ZBTB7C: variants seen among roughly 807,000 people sequenced by gnomAD.
ZBTB7C encodes zinc finger and BTB domain-containing protein 7C.
In ZBTB7C, 8 loss-of-function variants were observed where a neutral mutation model predicts 25.7. That is an observed-to-expected ratio of 0.31 (90% confidence interval 0.18 to 0.56). The LOEUF (loss-of-function observed/expected upper bound fraction) is 0.56. Ranked by LOEUF, ZBTB7C falls within the 20% of genes least tolerant of loss-of-function variation. The pLI, the probability that ZBTB7C is intolerant of heterozygous loss-of-function variation, is 0.91. For missense variants in ZBTB7C, 824 were observed against 855.2 expected, an observed-to-expected ratio of 0.96 and a Z score of 0.46; for synonymous variants, 394 against 369.0, an observed-to-expected ratio of 1.07 and a Z score of -0.78.
At chr18:48,132,328 C>T (rs2040011280) in intron 3 of ZBTB7C, among the ~76,000 whole-genome samples, 2 of 152,188 alleles carry the variant, frequency 1.3e-5, no homozygotes, top group African/African-American at 4.8e-5. Flanking sequence ...CAAAAGACCA[C>T]ATATTATCTG....
At chr18:48,091,582 C>G (rs561143611) in intron 3 of ZBTB7C, among the ~76,000 whole-genome samples, 1 of 152,142 alleles carries the variant, frequency 6.6e-6, no homozygotes, top group East Asian at 1.9e-4. Context: ...CAGGGTGGGT[C>G]TCATTTATTA....
chr18:48,177,855 G>C (rs901459574), intron 3 of ZBTB7C, among the ~76,000 whole-genome samples: 5 of 152,176 alleles, frequency 3.3e-5, no homozygotes, highest in Admixed American at 2.6e-4. Context: ...GGTGGAGAAT[G>C]GAGGAAGGGA....
chr18:48,169,490 T>C (rs975690674), intron 3 of ZBTB7C, among the ~76,000 whole-genome samples: 2 of 152,152 alleles, frequency 1.3e-5, no homozygotes, highest in Non-Finnish European at 2.9e-5. Context: ...GTGTTGCACA[T>C]GGAAGGTACA....
chr18:48,188,447 G>A lies in ZBTB7C; in HGVS notation c.-78-2452C>T, dbSNP rs4940313. On this transcript the variant is annotated intron_variant, in intron 2 of 4. Coordinates refer to ENST00000590800, the MANE Select transcript of ZBTB7C (RefSeq NM_001318841.2). ...AGAACTCACTTGCTACCATGAGAAC[G>A]GTATGGGGGAATCCAGCCCCATGAT... Among the ~76,000 whole-genome samples the A allele has an allele frequency of 3.9e-3, 587 of 152,264 alleles. 4 individuals carry two copies. The highest frequency in any genetic ancestry group is 0.013 in the African/African-American group (556 of 41,550).
chr18:48,264,882 G>A lies in ZBTB7C; in HGVS notation c.-79+73292C>T, dbSNP rs533490246. 7.2e-5 allele frequency among the ~76,000 whole-genome samples: 11 copies of A among 152,262 alleles called. No homozygotes were observed. The East Asian group carries it at 1.9e-3, about 27-fold the overall frequency. ...TCAATCAACCCCCACGACCACAAGC[G>A]AAGTGGAAGGACAGGGGTCCCAAGT... On this transcript the variant is annotated intron_variant, in intron 2 of 4. Coordinates refer to ENST00000590800, the MANE Select transcript of ZBTB7C (RefSeq NM_001318841.2).
chr18:48,302,399 C>T lies in ZBTB7C; in HGVS notation c.-79+35775G>A, dbSNP rs111833285. Among the ~76,000 whole-genome samples the T allele has an allele frequency of 1.5e-3, 226 of 152,276 alleles. 5 individuals carry two copies. Among genetic ancestry groups the T allele is most frequent in the South Asian group, 5.0e-3 (24 of 4,828 alleles). ...CCTTCTCTCCCTTTTTACTGCAATT[C>T]CTGCACAGATTTACACAGAAGAGCT... is the stretch of plus-strand genomic sequence containing the variant. On this transcript the variant is annotated intron_variant, in intron 2 of 4. Coordinates refer to ENST00000590800, the MANE Select transcript of ZBTB7C (RefSeq NM_001318841.2).
At chr18:48,208,479 T>C (rs981369953) in intron 2 of ZBTB7C, among the ~76,000 whole-genome samples, 2 of 152,172 alleles carry the variant, frequency 1.3e-5, no homozygotes, top group African/African-American at 4.8e-5. Context: ...CTCTCTAACT[T>C]CTACTTATGC....
Position 48,387,551 on chromosome 18 carries a change from G to T in ZBTB7C, c.-304+21675C>A, listed in dbSNP as rs566533007. On this transcript the variant is annotated intron_variant, in intron 1 of 4. Transcript: ENST00000590800. Reference sequence around the variant, plus strand: ...GAATCTCTTCCCTGAACTTCACTAAGTTGCAAAACAGATGAATTTGACCTT... The same window carrying T: ...GAATCTCTTCCCTGAACTTCACTAATTTGCAAAACAGATGAATTTGACCTT... 1.1e-3 allele frequency among the ~76,000 whole-genome samples: 167 copies of T among 152,264 alleles called. 1 individual carries two copies. Among genetic ancestry groups the T allele is most frequent in the Middle Eastern group, 3.4e-3 (1 of 294 alleles).
chr18:48,037,115 G>A (rs2144119380), intron 4 of ZBTB7C, among the ~76,000 whole-genome samples: 1 of 152,330 alleles, frequency 6.6e-6, no homozygotes, highest in Admixed American at 6.5e-5. Flanking sequence ...CCCAGCTCGG[G>A]GTTTCTCTCC....
chr18:48,073,407 C>T (rs952925710), intron 3 of ZBTB7C, among the ~76,000 whole-genome samples: 3 of 152,102 alleles, frequency 2.0e-5, no homozygotes, highest in Non-Finnish European at 2.9e-5. Context: ...CCTGAGTCAC[C>T]CTGGCGGGGA....
rs1381328702 is a variant in ZBTB7C, at chr18:48,027,251, C to G, written c.*2009G>C. The G allele has an allele frequency of 6.6e-6, 1 of 151,796 alleles. No individual in the cohort carries two copies. Among genetic ancestry groups the G allele is most frequent in the East Asian group, 1.9e-4 (1 of 5,194 alleles). 9.4% of individuals were successfully genotyped at this position (151,796 alleles called of 1,614,324 possible). On this transcript the variant is annotated 3_prime_UTR_variant, in exon 5 of 5. Coordinates refer to ENST00000590800, the MANE Select transcript of ZBTB7C (RefSeq NM_001318841.2). The stretch of plus-strand genomic sequence containing the variant: ...ATTCCAAACTGCAGCCAAGAAAAAA[C>G]AGAAAGAACTAACCAGTCATCTGAA...
At chr18:48,179,808 T>C (rs1210253345) in intron 3 of ZBTB7C, among the ~76,000 whole-genome samples, 29 of 101,896 alleles carry the variant, frequency 2.8e-4, no homozygotes, top group African/African-American at 1.0e-3. Context: ...TCCTTCCTTA[T>C]TTCCTTCCTT....
At chr18:48,393,048 G>C (rs553994360) in intron 1 of ZBTB7C, among the ~76,000 whole-genome samples, 4 of 152,216 alleles carry the variant, frequency 2.6e-5, no homozygotes, top group Non-Finnish European at 5.9e-5. Context: ...GTGAGAACTG[G>C]AAGTGGTTTT....
chr18:48,299,424 G>A (rs2045487460), intron 2 of ZBTB7C, among the ~76,000 whole-genome samples: 1 of 152,228 alleles, frequency 6.6e-6, no homozygotes, highest in Non-Finnish European at 1.5e-5. Flanking sequence ...AGGGAGAACA[G>A]AAAAGGTATA....
At chr18:48,387,840 T>TTGC (rs2047785034) in intron 1 of ZBTB7C, among the ~76,000 whole-genome samples, 1 of 138,142 alleles carries the variant, frequency 7.2e-6, no homozygotes, top group South Asian at 2.3e-4. Flanking sequence ...TTTGTTGTTG[T>TTGC]TGTTGTTTGT....
intron 2 of ZBTB7C, among the ~76,000 whole-genome samples, chr18:48,266,042 C>T (rs181685587): frequency 2.6e-4 from 39 of 152,082 alleles, no homozygotes; most frequent in Non-Finnish European, 4.4e-4. Flanking sequence ...GATGATGGAG[C>T]GTCAGTTTGG....
At chr18:48,055,410 C>CAAAA (rs57782791) in intron 3 of ZBTB7C, among the ~76,000 whole-genome samples, 7 of 72,780 alleles carry the variant, frequency 9.6e-5, no homozygotes, top group African/African-American at 2.1e-4. Flanking sequence ...ACTCAAGTCT[C>CAAAA]AAAAAAAAAA....
At chr18:48,113,259 C>A (rs1437362849) in intron 3 of ZBTB7C, among the ~76,000 whole-genome samples, 1 of 152,236 alleles carries the variant, frequency 6.6e-6, no homozygotes, top group Non-Finnish European at 1.5e-5. Context: ...GTTATCTCAT[C>A]TGCTAAATGG....
intron 3 of ZBTB7C, among the ~76,000 whole-genome samples, chr18:48,061,010 G>T (rs2037106028): frequency 6.6e-6 from 1 of 152,172 alleles, no homozygotes; most frequent in Admixed American, 6.5e-5. Flanking sequence ...GCTGGGGCTG[G>T]GGTGGGATTG....
Sources: gnomAD v4.1 joint callset for allele counts (sites outside exome capture counted in the v4.1 genomes callset) on GRCh38, gnomAD v4.1.1 for gene constraint, MANE v1.5 for transcripts, NCBI Gene and HGNC (gene_info 2026-07-23, HGNC 2026-07-21) for gene names.